SHISA9: variants seen among roughly 807,000 people sequenced by gnomAD.
SHISA9 encodes shisa family member 9, also known as protein shisa-9.
SHISA9 carries 13 observed loss-of-function variants against 38.0 expected under a neutral mutation model. That is an observed-to-expected ratio of 0.34 (90% confidence interval 0.22 to 0.54). The LOEUF (loss-of-function observed/expected upper bound fraction) is 0.54. Ranked by LOEUF, SHISA9 falls within the 20% of genes least tolerant of loss-of-function variation. SHISA9 has a pLI of 0.91. For missense variants in SHISA9, 538 were observed against 575.8 expected (o/e 0.93, Z 0.67); for synonymous variants, 275 against 242.0 (o/e 1.14, Z -1.27).
the SHISA9 span, among the ~76,000 whole-genome samples, chr16:13,413,191 G>T: frequency 2.0e-5 from 3 of 152,114 alleles, no homozygotes; most frequent in Non-Finnish European, 2.9e-5. Context: ...ACCACCATTA[G>T]GGTCTTCGAA....
the SHISA9 span, among the ~76,000 whole-genome samples, chr16:13,450,853 G>C: frequency 0.45 from 68,642 of 151,950 alleles, 16,614 homozygotes; most frequent in African/African-American, 0.6. Context: ...AATTTCTTGA[G>C]GATCCGATAT....
the SHISA9 span, among the ~76,000 whole-genome samples, chr16:13,338,830 A>G: frequency 6.6e-6 from 1 of 152,182 alleles, no homozygotes; most frequent in East Asian, 1.9e-4. Context: ...AGTCACGATA[A>G]TGGAAGAACA....
intron 2 of SHISA9, among the ~76,000 whole-genome samples, chr16:12,958,875 C>T (rs563012583): frequency 5.3e-5 from 8 of 152,224 alleles, no homozygotes; most frequent in African/African-American, 9.6e-5. Flanking sequence ...GGTCTCAGCA[C>T]GTTACATCAA....
At chr16:13,022,326 A>C (rs993514937) in intron 2 of SHISA9, among the ~76,000 whole-genome samples, 34 of 143,836 alleles carry the variant, frequency 2.4e-4, no homozygotes, top group Admixed American at 1.3e-3. Context: ...TAATTTTTAC[A>C]TTAAAAAAAT....
intron 2 of SHISA9, among the ~76,000 whole-genome samples, chr16:13,029,033 G>C (rs888684385): frequency 6.6e-6 from 1 of 152,182 alleles, no homozygotes; most frequent in Non-Finnish European, 1.5e-5. Context: ...AACCTTCCAA[G>C]CTAGGTCCCA....
At chr16:13,180,746 T>G (rs758139104) in intron 2 of SHISA9, among the ~76,000 whole-genome samples, 4 of 152,078 alleles carry the variant, frequency 2.6e-5, no homozygotes, top group Non-Finnish European at 5.9e-5. Flanking sequence ...TTTGTGGAAC[T>G]GAAAATGAGA....
chr16:13,051,447 C>G (rs1009119490), intron 2 of SHISA9, among the ~76,000 whole-genome samples: 1 of 152,192 alleles, frequency 6.6e-6, no homozygotes, highest in African/African-American at 2.4e-5. Context: ...ACAGCAAAAC[C>G]ATTTCAGTAC....
At chr16:12,960,576 C>G (rs919240214) in intron 2 of SHISA9, among the ~76,000 whole-genome samples, 1 of 152,144 alleles carries the variant, frequency 6.6e-6, no homozygotes, top group Non-Finnish European at 1.5e-5. Flanking sequence ...CCATGGAATA[C>G]TATGCAGCCA....
At chr16:13,517,558 T>C in the SHISA9 span, among the ~76,000 whole-genome samples, 3 of 152,304 alleles carry the variant, frequency 2.0e-5, no homozygotes, top group South Asian at 4.1e-4. Flanking sequence ...TTCAGTATGA[T>C]CCAATACTTT....
At chr16:13,186,393 G>A (rs1222737266) in intron 2 of SHISA9, among the ~76,000 whole-genome samples, 1 of 147,300 alleles carries the variant, frequency 6.8e-6, no homozygotes, top group African/African-American at 2.5e-5. Context: ...TGCCTACTGG[G>A]TTCAAGCAAT....
In SHISA9 at chr16:12,958,425, T is replaced by G. The variant is rs538533782; in HGVS notation, c.691+41610T>G. ...TCTTTTGATTCCTGGCTTGTGGAAA[T>G]TTCCCCCTGAAGCCCAAATCTCTGC... On this transcript the variant is annotated intron_variant, in intron 2 of 4. Coordinates refer to ENST00000558583, the MANE Select transcript of SHISA9 (RefSeq NM_001145204.3). Among the ~76,000 whole-genome samples the G allele has an allele frequency of 7.2e-5, 11 of 152,326 alleles. No homozygotes were observed. The South Asian group carries it at 2.1e-3, about 29-fold the overall frequency.
intron 2 of SHISA9, among the ~76,000 whole-genome samples, chr16:13,151,714 T>G (rs534070688): frequency 9.2e-4 from 140 of 152,328 alleles, no homozygotes; most frequent in Non-Finnish European, 1.9e-3. Flanking sequence ...CTTCTCTCAT[T>G]CAGAAAAACA....
chr16:12,930,936 T>G (rs745545110), intron 2 of SHISA9, among the ~76,000 whole-genome samples: 1 of 152,214 alleles, frequency 6.6e-6, no homozygotes, highest in African/African-American at 2.4e-5. Context: ...AGCCCTGGCT[T>G]ATTTGTGGTT....
intron 2 of SHISA9, among the ~76,000 whole-genome samples, chr16:13,042,253 T>C (rs1462255192): frequency 6.6e-6 from 1 of 152,214 alleles, no homozygotes; most frequent in Non-Finnish European, 1.5e-5. Flanking sequence ...GTTGATTAGC[T>C]TCCAGAAGGC....
chr16:13,561,318 ACTCTGC>A, the SHISA9 span, among the ~76,000 whole-genome samples: 355 of 152,196 alleles, frequency 2.3e-3, 2 homozygotes, highest in African/African-American at 8.2e-3. Flanking sequence ...CCGACAAGGC[ACTCTGC>A]ATTTCTTACA....
chr16:13,292,463 C>G, the SHISA9 span, among the ~76,000 whole-genome samples: 1 of 152,218 alleles, frequency 6.6e-6, no homozygotes, highest in African/African-American at 2.4e-5. Flanking sequence ...TAGCTGTGTG[C>G]TCATTCCAAA....
the SHISA9 span, among the ~76,000 whole-genome samples, chr16:13,495,318 A>G: frequency 6.6e-6 from 1 of 152,188 alleles, no homozygotes; most frequent in South Asian, 2.1e-4. Context: ...TGCTAAAGTT[A>G]CACAGGATGG....
At chr16:13,247,499 T>A in the SHISA9 span, among the ~76,000 whole-genome samples, 1 of 152,154 alleles carries the variant, frequency 6.6e-6, no homozygotes, top group Non-Finnish European at 1.5e-5. Flanking sequence ...ACCTGGAGTT[T>A]TCTGGTTCCA....
chr16:13,553,195 C>T, the SHISA9 span, among the ~76,000 whole-genome samples: 2 of 152,202 alleles, frequency 1.3e-5, no homozygotes, highest in Admixed American at 6.5e-5. Flanking sequence ...AGTTCACTTG[C>T]TCTTCCCAAC....
Sources: allele counts gnomAD v4.1 joint callset (sites outside exome capture counted in the v4.1 genomes callset), GRCh38; gene constraint gnomAD v4.1.1; transcripts MANE v1.5; gene names NCBI Gene and HGNC (gene_info 2026-07-23, HGNC 2026-07-21).